YLPM1: variants seen among roughly 807,000 people sequenced by gnomAD.
YLPM1 encodes YLP motif-containing protein 1.
A neutral mutation model predicts 230.0 loss-of-function variants in YLPM1; 99 were observed. That is an observed-to-expected ratio of 0.43 (90% confidence interval 0.37 to 0.51). The LOEUF is 0.51. YLPM1 is among the 20% of genes least tolerant of loss of function. The pLI is 0.00. For synonymous variants in YLPM1, 984 were observed against 942.5 expected, an observed-to-expected ratio of 1.04 and a Z score of -0.81; for missense variants, 2,592 against 2,707.7, an observed-to-expected ratio of 0.96 and a Z score of 0.95.
At chr14:74,796,352 G>A (rs74063265) in intron 4 of YLPM1, among the ~76,000 whole-genome samples, 170 of 152,190 alleles carry the variant, frequency 1.1e-3, no homozygotes, top group African/African-American at 3.9e-3. Context: ...GCTGATACAC[G>A]TTTCTCCGCC....
chr14:74,764,349 C>A lies in YLPM1; in HGVS notation c.860C>A (p.Thr287Lys). 6.2e-7 allele frequency: 1 copy of A among 1,609,536 alleles called. No homozygotes were observed. Among genetic ancestry groups the A allele is most frequent in the Non-Finnish European group, 8.5e-7 (1 of 1,177,508 alleles). ...QQAAPEPDPS[T>K]MTPQEQQQYW... ...GCCGCCCCTGAGCCAGATCCCTCTA[C>A]GATGACTCCACAGGTAAGAAAGCAT... Residue 287 changes from threonine to lysine, a missense_variant, in exon 1 of 21, where the codon ACG becomes AAG. Coordinates refer to ENST00000325680, the MANE Select transcript of YLPM1 (RefSeq NM_019589.3).
At chr14:74,793,840 C>T (rs907438002) in intron 4 of YLPM1, among the ~76,000 whole-genome samples, 1 of 152,074 alleles carries the variant, frequency 6.6e-6, no homozygotes, top group African/African-American at 2.4e-5. Flanking sequence ...TTGATGGTTC[C>T]GAATATAGAT....
At chr14:74,825,414 G>A (rs1389248679) in intron 18 of YLPM1, among the ~76,000 whole-genome samples, 1 of 152,014 alleles carries the variant, frequency 6.6e-6, no homozygotes, top group Non-Finnish European at 1.5e-5. Context: ...TTTAGTTTAT[G>A]TCATGTGAAA....
At chr14:74,777,135 TTTTCTA>T (rs1349189471) in intron 1 of YLPM1, among the ~76,000 whole-genome samples, 7 of 152,162 alleles carry the variant, frequency 4.6e-5, no homozygotes, top group African/African-American at 1.7e-4. Flanking sequence ...ATTGGCTATA[TTTTCTA>T]ATATTTCCAT....
rs187141376 is a variant in YLPM1, at chr14:74,797,832, A to G, written c.2535A>G (p.Gly845=). 64 of 1,614,014 alleles carry G rather than the reference A, an allele frequency of 4.0e-5. No homozygotes were observed. In the East Asian group the frequency reaches 1.4e-3, roughly 34 times the overall value. The part of the protein sequence containing the change: ...PQWKGPKPAF[G]QQHQQQPKSQ... ...GGAAAGGCCCCAAACCAGCTTTTGGACAGCAGCATCAGCAGCAACCTAAGT... is the reference window on the plus strand; with the variant it reads ...GGAAAGGCCCCAAACCAGCTTTTGGGCAGCAGCATCAGCAGCAACCTAAGT... The change falls in exon 5 of 21, where the codon GGA becomes GGG. Residue 845 remains glycine (G), a synonymous_variant. Coordinates refer to ENST00000325680, the MANE Select transcript of YLPM1 (RefSeq NM_019589.3).
chr14:74,770,064 C>G (rs184061826), intron 1 of YLPM1, among the ~76,000 whole-genome samples: 1 of 151,690 alleles, frequency 6.6e-6, no homozygotes, highest in Non-Finnish European at 1.5e-5. Context: ...CGCCTGTAGT[C>G]CCAACTTCTC....
At chr14:74,807,249 C>T (rs71429064) in intron 6 of YLPM1, among the ~76,000 whole-genome samples, 6,934 of 151,626 alleles carry the variant, frequency 0.046, 215 homozygotes, top group Non-Finnish European at 0.068. Context: ...TCTAAAATAG[C>T]GTCAATAAAG....
chr14:74,811,797 T>C, intron 10 of YLPM1, 59 bp downstream of exon 10: 1 of 1,187,718 alleles, frequency 8.4e-7, no homozygotes, highest in Non-Finnish European at 1.2e-6. Context: ...GGGAGATGCT[T>C]TCCATTGTAG....
chr14:74,798,400 G>A lies in YLPM1; in HGVS notation c.3103G>A (p.Gly1035Ser), dbSNP rs547286151. Residue 1035 changes from glycine (G) to serine (S), a missense_variant, in exon 5 of 21, where the codon GGT (glycine) becomes AGT (serine). Physicochemically the swap from Gly to Ser is moderately conservative, Grantham distance 56 (BLOSUM62 0). This residue lies in a region of YLPM1 where 1,862 missense variants were observed against 1,819.8 expected (regional missense o/e 1.02). Coordinates refer to ENST00000325680, the MANE Select transcript of YLPM1 (RefSeq NM_019589.3). ...QSRMEDTRDK[G>S]LVNRGRGQAI... is the part of the protein sequence containing the mutation. ...CAGAATGGAAGACACACGGGATAAA[G>A]GTCTAGTAAACAGAGGTCGCGGCCA... 5.8e-5 allele frequency: 93 copies of A among 1,614,028 alleles called. No individual in the cohort carries two copies. The South Asian group carries it at 9.9e-4, about 17-fold the overall frequency.
chr14:74,808,016 C>A lies in YLPM1; in HGVS notation c.4522-1364C>A, dbSNP rs185650694. Reference sequence around the variant, plus strand: ...TTTTGAATTACTGGTGGGACCCCACCTACAGAAGTTCAGTAGATTTGGTAT... The same window carrying A: ...TTTTGAATTACTGGTGGGACCCCACATACAGAAGTTCAGTAGATTTGGTAT... On this transcript the variant is annotated intron_variant, in intron 6 of 20. Transcript: ENST00000325680. Among the ~76,000 whole-genome samples the A allele has an allele frequency of 2.6e-5, 4 of 152,238 alleles. No homozygotes were observed. The East Asian group carries it at 7.7e-4, about 29-fold the overall frequency.
intron 4 of YLPM1, among the ~76,000 whole-genome samples, chr14:74,796,710 T>A (rs1034287793): frequency 1.3e-5 from 2 of 151,950 alleles, no homozygotes; most frequent in Non-Finnish European, 2.9e-5. Context: ...GCAGACTTTT[T>A]AAAATGTCAG....
Position 74,763,733 on chromosome 14 carries a change from C to T in YLPM1, c.244C>T (p.Pro82Ser), listed in dbSNP as rs1352018570. 6.6e-7 allele frequency: 1 copy of T among 1,514,276 alleles called. No individual in the cohort carries two copies. The highest frequency in any genetic ancestry group is 8.8e-7 in the Non-Finnish European group (1 of 1,131,054). 93.8% of individuals were successfully genotyped at this position (1,514,276 alleles called of 1,614,324 possible). The stretch of plus-strand genomic sequence containing the variant: ...GTGCGTGCTTCAGCCCCACCACCTT[C>T]CTCCGCCCCCTCTGCCGCCCCCGCC... ...MQCVLQPHHL[P>S]PPPLPPPPVM... Residue 82 changes from proline (P) to serine (S), a missense_variant, in exon 1 of 21, where the codon CCT (proline) becomes TCT (serine). Transcript: ENST00000325680.
intron 5 of YLPM1, among the ~76,000 whole-genome samples, chr14:74,802,172 C>T (rs1012903506): frequency 1.3e-4 from 20 of 148,428 alleles, no homozygotes; most frequent in Admixed American, 5.4e-4. Flanking sequence ...GAGCTGAGAT[C>T]GCGCCATTGC....
chr14:74,768,830 G>T (rs752984913), intron 1 of YLPM1, among the ~76,000 whole-genome samples: 1 of 151,912 alleles, frequency 6.6e-6, no homozygotes, highest in Non-Finnish European at 1.5e-5. Context: ...CGTACAGAGT[G>T]CTATGGGATT....
chr14:74,820,116 T>A (rs2091509403), intron 16 of YLPM1, among the ~76,000 whole-genome samples: 1 of 152,260 alleles, frequency 6.6e-6, no homozygotes, highest in Non-Finnish European at 1.5e-5. Context: ...ATATATATTA[T>A]CTTAGTATAC....
chr14:74,832,808 A>C (rs2091617530), intron 19 of YLPM1, among the ~76,000 whole-genome samples: 1 of 152,136 alleles, frequency 6.6e-6, no homozygotes, highest in South Asian at 2.1e-4. Context: ...ATTTATTCGC[A>C]AACATACTAC....
At chr14:74,814,339 C>A (rs1270640020) in intron 11 of YLPM1, among the ~76,000 whole-genome samples, 1 of 152,046 alleles carries the variant, frequency 6.6e-6, no homozygotes, top group African/African-American at 2.4e-5. Context: ...CCAGCCTGGG[C>A]GACAGAGCGA....
chr14:74,830,985 C>T (rs2091605091), intron 19 of YLPM1, among the ~76,000 whole-genome samples: 1 of 152,138 alleles, frequency 6.6e-6, no homozygotes, highest in African/African-American at 2.4e-5. Flanking sequence ...CCATTTATTG[C>T]CAGTACAGAT....
intron 19 of YLPM1, among the ~76,000 whole-genome samples, chr14:74,832,503 ACT>A (rs1891083701): frequency 6.6e-6 from 1 of 151,914 alleles, no homozygotes; most frequent in Non-Finnish European, 1.5e-5. Flanking sequence ...ACAGAGTCTC[ACT>A]CTGTTGCCCA....
Sources: gnomAD v4.1 joint callset for allele counts (sites outside exome capture counted in the v4.1 genomes callset) on GRCh38, gnomAD v4.1.1 for gene constraint, gnomAD v4.1.1 regional missense constraint, MANE v1.5 for transcripts, NCBI Gene and HGNC (gene_info 2026-07-23, HGNC 2026-07-21) for gene names.